The following PDE1C variants were observed in gnomAD, a reference collection of about 807,000 sequenced individuals.
The protein encoded by PDE1C is phosphodiesterase 1C, also known as dual specificity calcium/calmodulin-dependent 3',5'-cyclic nucleotide phosphodiesterase 1C.
A neutral mutation model predicts 93.1 loss-of-function variants in PDE1C; 62 were observed. That is an observed-to-expected ratio of 0.67 (90% CI 0.54 to 0.82). The LOEUF is 0.82. Ranked by LOEUF, PDE1C falls within the 40% of genes least tolerant of loss-of-function variation. The pLI is 0.00. For missense variants in PDE1C, 742 were observed against 884.6 expected, an observed-to-expected ratio of 0.84 and a Z score of 2.04; for synonymous variants, 325 against 310.1, an observed-to-expected ratio of 1.05 and a Z score of -0.50.
At chr7:31,965,823 A>C (rs1022058968) in intron 2 of PDE1C, among the ~76,000 whole-genome samples, 7 of 152,250 alleles carry the variant, frequency 4.6e-5, no homozygotes, top group Non-Finnish European at 8.8e-5. Context: ...TAAAGAAAAT[A>C]ATTTCCAACC....
chr7:31,639,548 T>A, the PDE1C span, among the ~76,000 whole-genome samples: 2 of 149,920 alleles, frequency 1.3e-5, no homozygotes, highest in Admixed American at 1.3e-4. Context: ...GTTTTTTTTT[T>A]TTTTTTGAGA....
intron 2 of PDE1C, among the ~76,000 whole-genome samples, chr7:32,029,482 A>C (rs1348624954): frequency 6.6e-6 from 1 of 152,132 alleles, no homozygotes; most frequent in Non-Finnish European, 1.5e-5. Flanking sequence ...TTCTCAACTA[A>C]AGTTTATCTT....
At chr7:31,959,363 CA>C (rs1187896143) in intron 2 of PDE1C, among the ~76,000 whole-genome samples, 2 of 152,038 alleles carry the variant, frequency 1.3e-5, no homozygotes, top group Admixed American at 6.6e-5. Context: ...TAAGTGTGCA[CA>C]ACTACGCCCA....
rs1466998669 is a variant in PDE1C, at chr7:31,896,020, T to TACATACATACATACATACATACATACAC, written c.129-15161_129-15160insGTGTATGTATGTATGTATGTATGTATGT. Reference sequence around the variant, plus strand: ...ATACATACATACATACATACATACATACACACACAAACACACACACAAACT... The same window carrying TACATACATACATACATACATACATACAC: ...ATACATACATACATACATACATACATACATACATACATACATACATACATACACACACACACAAACACACACACAAACT... On this transcript the variant is annotated intron_variant, in intron 2 of 17. Transcript: ENST00000396191. Among the ~76,000 whole-genome samples the TACATACATACATACATACATACATACAC allele has an allele frequency of 8.1e-4, 123 of 151,382 alleles. 3 individuals carry two copies. Among genetic ancestry groups the TACATACATACATACATACATACATACAC allele is most frequent in the Middle Eastern group, 3.4e-3 (1 of 294 alleles).
chr7:32,187,726 GACAA>G (rs752815680), intron 2 of PDE1C, among the ~76,000 whole-genome samples: 56 of 147,880 alleles, frequency 3.8e-4, no homozygotes, highest in Admixed American at 6.0e-4. Flanking sequence ...TTGAAGTGAA[GACAA>G]ACATAAATAA....
rs149315885 is a variant in PDE1C at position 32,389,778 on chromosome 7, C to T, written c.310+38044G>A. 3.9e-3 allele frequency among the ~76,000 whole-genome samples: 598 copies of T among 152,298 alleles called. 4 individuals carry two copies. The highest frequency in any genetic ancestry group is 0.013 in the African/African-American group (560 of 41,566). On this transcript the variant is annotated intron_variant, in intron 1 of 1. Transcript: ENST00000672256. Reference sequence around the variant, plus strand: ...TTTAAAACATATTTTCATTAATCTTCAAGACTATCTCAAAAAATGGGTATT... The same window carrying T: ...TTTAAAACATATTTTCATTAATCTTTAAGACTATCTCAAAAAATGGGTATT...
intron 1 of PDE1C, among the ~76,000 whole-genome samples, chr7:32,294,430 C>T (rs1812514169): frequency 6.6e-6 from 1 of 152,196 alleles, no homozygotes; most frequent in African/African-American, 2.4e-5. Flanking sequence ...TGGTTTCACC[C>T]ACCTCCTTCT....
intron 2 of PDE1C, among the ~76,000 whole-genome samples, chr7:32,023,564 G>A (rs1788993650): frequency 6.6e-6 from 1 of 151,796 alleles, no homozygotes; most frequent in African/African-American, 2.4e-5. Context: ...ACAAAATTTT[G>A]GCACATCCGT....
At chr7:32,384,286 C>G (rs929306841) in intron 1 of PDE1C, among the ~76,000 whole-genome samples, 1 of 152,144 alleles carries the variant, frequency 6.6e-6, no homozygotes, top group African/African-American at 2.4e-5. Context: ...GAAAATAACA[C>G]CTATAATCCA....
At chr7:31,853,221 A>C (rs1793565172) in intron 7 of PDE1C, among the ~76,000 whole-genome samples, 1 of 152,194 alleles carries the variant, frequency 6.6e-6, no homozygotes, top group Non-Finnish European at 1.5e-5. Context: ...ATTCAACAAC[A>C]ACAACAATAA....
chr7:32,404,340 GTGTTTT>G (rs1273968121), intron 1 of PDE1C, among the ~76,000 whole-genome samples: 1 of 152,120 alleles, frequency 6.6e-6, no homozygotes, highest in Non-Finnish European at 1.5e-5. Context: ...ACTTTTCTGT[GTGTTTT>G]TGTTTTTGTC....
chr7:32,088,424 T>C (rs1475934430), intron 3 of PDE1C, among the ~76,000 whole-genome samples: 1 of 152,200 alleles, frequency 6.6e-6, no homozygotes, highest in Non-Finnish European at 1.5e-5. Context: ...GAAATACAGA[T>C]CTGCTGGCTG....
At chr7:32,314,695 G>C (rs11981007) in intron 1 of PDE1C, among the ~76,000 whole-genome samples, 18,055 of 152,004 alleles carry the variant, frequency 0.12, 1,179 homozygotes, top group East Asian at 0.18. Context: ...CCCTGGAGAA[G>C]GTAACTCTTC....
intron 2 of PDE1C, among the ~76,000 whole-genome samples, chr7:31,885,621 T>A (rs529807225): frequency 6.6e-6 from 1 of 152,338 alleles, no homozygotes; most frequent in Non-Finnish European, 1.5e-5. Context: ...ACAAAGGTGT[T>A]GGAAGAGGGG....
intron 1 of PDE1C, among the ~76,000 whole-genome samples, chr7:32,239,709 A>G (rs1194465922): frequency 6.6e-6 from 1 of 152,226 alleles, no homozygotes; most frequent in Non-Finnish European, 1.5e-5. Context: ...GGACAGGGAG[A>G]GAAATGAGAC....
At chr7:32,409,189 T>C (rs1785116365) in intron 1 of PDE1C, among the ~76,000 whole-genome samples, 1 of 151,722 alleles carries the variant, frequency 6.6e-6, no homozygotes, top group Admixed American at 6.6e-5. Flanking sequence ...AAACCTCATC[T>C]CTAAAAAAAA....
At chr7:32,009,276 A>C (rs1381986563) in intron 2 of PDE1C, among the ~76,000 whole-genome samples, 1 of 152,172 alleles carries the variant, frequency 6.6e-6, no homozygotes, top group Non-Finnish European at 1.5e-5. Flanking sequence ...GGTGGAGCCC[A>C]GTGAACTCTC....
chr7:32,116,641 T>C (rs150919460), intron 3 of PDE1C, among the ~76,000 whole-genome samples: 1 of 152,308 alleles, frequency 6.6e-6, no homozygotes, highest in Non-Finnish European at 1.5e-5. Flanking sequence ...AATGATGAGC[T>C]GTTGGAAACC....
intron 1 of PDE1C, among the ~76,000 whole-genome samples, chr7:32,249,629 T>C (rs965387755): frequency 7.2e-5 from 11 of 152,230 alleles, no homozygotes; most frequent in Non-Finnish European, 1.3e-4. Context: ...CAATTCTTCT[T>C]TGGACTGATT....
Sources: gnomAD v4.1 joint callset for allele counts (sites outside exome capture counted in the v4.1 genomes callset) on GRCh38, gnomAD v4.1.1 for gene constraint, MANE v1.5 for transcripts, NCBI Gene and HGNC (gene_info 2026-07-23, HGNC 2026-07-21) for gene names.